Variants in FBXL13 observed in about 807,000 individuals in gnomAD.
FBXL13 encodes the protein F-box and leucine-rich repeat protein 13.
Under a neutral mutation model 83.6 loss-of-function variants are expected in FBXL13, and 67 were observed. The observed-to-expected ratio is 0.80, with a 90% CI of 0.66 to 0.98. The LOEUF (loss-of-function observed/expected upper bound fraction) is 0.98. Ranked by LOEUF, FBXL13 falls within the 50% of genes least tolerant of loss-of-function variation. The pLI is 0.00. For synonymous variants in FBXL13, 272 were observed against 299.5 expected, an observed-to-expected ratio of 0.91 and a Z score of 0.95; for missense variants, 822 against 866.5, an observed-to-expected ratio of 0.95 and a Z score of 0.64.
Position 103,049,472 on chromosome 7 carries a change from A to G in FBXL13, c.-1+6172T>C, listed in dbSNP as rs545034566. 1.9e-3 allele frequency among the ~76,000 whole-genome samples: 297 copies of G among 152,328 alleles called. 4 individuals are homozygous for G. The highest frequency in any genetic ancestry group is 2.6e-4 in the Admixed American group (4 of 15,306). The stretch of plus-strand genomic sequence containing the variant: ...ATTTTTGTTTAAACCAATGAATTAG[A>G]GTTCTTTTATACAAACATTACACAC... On this transcript the variant is annotated intron_variant, in intron 2 of 19. Coordinates refer to ENST00000313221, the Ensembl canonical transcript of FBXL13.
intron 17 of FBXL13, among the ~76,000 whole-genome samples, chr7:102,833,633 G>T (rs1177426383): frequency 6.7e-6 from 1 of 150,326 alleles, no homozygotes; most frequent in Non-Finnish European, 1.5e-5. Context: ...GGTTTCTCTA[G>T]GTTGCCCAGG....
chr7:102,946,550 G>C (rs1563133606), intron 8 of FBXL13, among the ~76,000 whole-genome samples: 1 of 100,044 alleles, frequency 1.0e-5, no homozygotes, highest in East Asian at 3.0e-4. Flanking sequence ...GAGACATTTA[G>C]ATCTGTATTT....
chr7:102,945,955 C>T (rs1335782451), intron 8 of FBXL13, among the ~76,000 whole-genome samples: 1 of 152,218 alleles, frequency 6.6e-6, no homozygotes, highest in African/African-American at 2.4e-5. Flanking sequence ...AATCTCAGCT[C>T]GCTGCAACCT....
chr7:102,943,077 G>C (rs1271473459), intron 8 of FBXL13, among the ~76,000 whole-genome samples: 1 of 152,108 alleles, frequency 6.6e-6, no homozygotes, highest in African/African-American at 2.4e-5. Context: ...AAAGCTGATA[G>C]CTACCATAGT....
downstream of FBXL13, among the ~76,000 whole-genome samples, chr7:102,812,637 C>A (rs183223788): frequency 6.6e-6 from 1 of 152,160 alleles, no homozygotes; most frequent in Non-Finnish European, 1.5e-5. Context: ...TAAAGTTATT[C>A]CCCTGGCTCA....
At chr7:103,015,332 G>T (rs1792159497) in intron 6 of FBXL13, among the ~76,000 whole-genome samples, 1 of 152,156 alleles carries the variant, frequency 6.6e-6, no homozygotes, top group South Asian at 2.1e-4. Flanking sequence ...AGTACTGAAA[G>T]TCCTAGCAAG....
At position 102,951,399 on chromosome 7, in the gene FBXL13, A is replaced by ATAAATAAATAAATAAATAAG. The variant is rs1172733545; in HGVS notation, c.724+12133_724+12134insCTTATTTATTTATTTATTTA. Among the ~76,000 whole-genome samples, 3 of 150,720 alleles carry ATAAATAAATAAATAAATAAG rather than the reference A, an allele frequency of 2.0e-5. No individual in the cohort carries two copies. In the East Asian group the frequency reaches 5.8e-4, roughly 29 times the overall value. ...TCTAAATAAATAAATAAATAAATAA[A>ATAAATAAATAAATAAATAAG]TAAAAGTTAATTTAAAAAAAAACGA... On this transcript the variant is annotated intron_variant, in intron 8 of 19. Coordinates refer to ENST00000313221, the Ensembl canonical transcript of FBXL13.
chr7:102,835,318 C>T (rs1327437450), intron 17 of FBXL13, among the ~76,000 whole-genome samples: 2 of 152,126 alleles, frequency 1.3e-5, no homozygotes, highest in Admixed American at 6.5e-5. Context: ...GATAATCAAG[C>T]ATAGTGGGGC....
At chr7:102,861,137 T>C (rs1806772456) in intron 16 of FBXL13, among the ~76,000 whole-genome samples, 1 of 152,070 alleles carries the variant, frequency 6.6e-6, no homozygotes, top group Non-Finnish European at 1.5e-5. Flanking sequence ...AACTATGTAG[T>C]ATTATGCATA....
At chr7:102,883,596 A>G (rs1810404352) in exon 13 of FBXL13, 1 of 1,611,096 alleles carries the variant, frequency 6.2e-7, no homozygotes, top group Non-Finnish European at 8.5e-7. Context: ...TGAGTTTACA[A>G]GCAGAAAGAG....
At chr7:102,833,362 C>T (rs1374113065) in intron 17 of FBXL13, among the ~76,000 whole-genome samples, 3 of 151,724 alleles carry the variant, frequency 2.0e-5, no homozygotes, top group Admixed American at 1.3e-4. Flanking sequence ...CAGACAGACC[C>T]GAGTTTTGCT....
intron 17 of FBXL13, among the ~76,000 whole-genome samples, chr7:102,836,300 CA>C (rs1016456204): frequency 6.6e-5 from 10 of 152,194 alleles, no homozygotes; most frequent in Admixed American, 1.3e-4. Flanking sequence ...TATGCTAAAT[CA>C]GTGGCAGATT....
chr7:102,882,652 C>T lies in FBXL13; in HGVS notation c.1388+653G>A, dbSNP rs370644783. Among the ~76,000 whole-genome samples, 6 of 152,120 alleles carry T rather than the reference C, an allele frequency of 3.9e-5. No homozygotes were observed. The East Asian group carries it at 1.2e-3, about 29-fold the overall frequency. ...TGGCACACACCTGTAATCTCAGCTA[C>T]TCAGGAGGCTGAGGCTAGAGAATCA... On this transcript the variant is annotated intron_variant, in intron 14 of 19. Coordinates refer to ENST00000313221, the Ensembl canonical transcript of FBXL13.
rs1220126828 is a variant in FBXL13, at chr7:103,014,953, T to G, written c.495+10110A>C. ...AAAAAAAAAAAAAAAAAAAAGAAAA[T>G]ACTAGCAAACTGAATCCAGCAGCAC... On this transcript the variant is annotated intron_variant, in intron 6 of 19. Transcript: ENST00000313221. 1.2e-4 allele frequency among the ~76,000 whole-genome samples: 10 copies of G among 86,534 alleles called. No homozygotes were observed. The East Asian group carries it at 3.3e-3, about 29-fold the overall frequency. 56.8% of individuals were successfully genotyped at this position (86,534 alleles called of 152,430 possible). A position where few individuals can be genotyped will look rare whatever the true frequency, so the allele number is the denominator to read the frequency against.
At chr7:102,827,120 G>A (rs1350372359) in intron 18 of FBXL13, 1 of 454,254 alleles carries the variant, frequency 2.2e-6, no homozygotes, top group African/African-American at 2.0e-5. Context: ...ATTCTTCTGA[G>A]CCAGGCCTCA....
At chr7:103,025,380 T>A (rs1793787696) in intron 5 of FBXL13, 150 bp from the exon 7 acceptor site, 1 of 514,662 alleles carries the variant, frequency 1.9e-6, no homozygotes. Flanking sequence ...TAATTTTTCA[T>A]AAGCATGTTT....
intron 2 of FBXL13, among the ~76,000 whole-genome samples, chr7:103,042,555 G>A (rs1403262450): frequency 6.6e-6 from 1 of 150,414 alleles, no homozygotes; most frequent in Non-Finnish European, 1.5e-5. Flanking sequence ...GAGGCATCAT[G>A]GAGACTTCAA....
chr7:103,043,311 T>A lies in FBXL13; in HGVS notation c.-1+12333A>T, dbSNP rs542643496. 2.0e-5 allele frequency among the ~76,000 whole-genome samples: 3 copies of A among 152,134 alleles called. No individual in the cohort carries two copies. The South Asian group carries it at 6.2e-4, about 32-fold the overall frequency. Reference sequence around the variant, plus strand: ...CATTAGAATGGAGATCATTAAGAAGTCAGGAAACAACAGATGCTGGAGAGG... The same window carrying A: ...CATTAGAATGGAGATCATTAAGAAGACAGGAAACAACAGATGCTGGAGAGG... On this transcript the variant is annotated intron_variant, in intron 2 of 19. Coordinates refer to ENST00000313221, the Ensembl canonical transcript of FBXL13.
chr7:102,977,753 G>C (rs1463845154), intron 6 of FBXL13, among the ~76,000 whole-genome samples: 1 of 152,168 alleles, frequency 6.6e-6, no homozygotes, highest in Non-Finnish European at 1.5e-5. Context: ...ATGCACCATG[G>C]AATACTATGC....
Sources: gnomAD v4.1 joint callset for allele counts (sites outside exome capture counted in the v4.1 genomes callset) on GRCh38, gnomAD v4.1.1 for gene constraint, MANE v1.5 for transcripts, NCBI Gene and HGNC (gene_info 2026-07-23, HGNC 2026-07-21) for gene names.